Variants in KIAA1217 observed in about 807,000 individuals in gnomAD.
KIAA1217 encodes the protein KIAA1217.
KIAA1217 carries 88 observed loss-of-function variants against 163.9 expected under a neutral mutation model. The observed-to-expected ratio is 0.54, with a 90% confidence interval of 0.45 to 0.64. The LOEUF (loss-of-function observed/expected upper bound fraction) is 0.64, where lower values mean the gene tolerates loss of function less well. Ranked by LOEUF, KIAA1217 falls within the 30% of genes least tolerant of loss-of-function variation. The probability of loss-of-function intolerance (pLI) is 0.00; values close to 1 mark genes in which losing one functional copy is unlikely to be tolerated. For synonymous variants in KIAA1217, 903 were observed against 923.1 expected (o/e 0.98, Z 0.39); for missense variants, 2,372 against 2,475.0 (o/e 0.96, Z 0.88).
At chr10:23,802,248 C>A (rs188438968) in intron 1 of KIAA1217, among the ~76,000 whole-genome samples, 76 of 152,280 alleles carry the variant, frequency 5.0e-4, no homozygotes, top group Admixed American at 2.2e-3. Flanking sequence ...GTCACTCTCA[C>A]CTCACATGCT....
At chr10:24,052,916 C>T (rs562514155) in intron 2 of KIAA1217, among the ~76,000 whole-genome samples, 1 of 152,112 alleles carries the variant, frequency 6.6e-6, no homozygotes, top group Non-Finnish European at 1.5e-5. Flanking sequence ...ATAATACCAA[C>T]CTTCCTAGCT....
At chr10:24,422,484 T>C (rs17513940) in intron 3 of KIAA1217, among the ~76,000 whole-genome samples, 78,573 of 152,010 alleles carry the variant, frequency 0.52, 20,286 homozygotes, top group African/African-American at 0.52. Context: ...GAGATGAAAA[T>C]GAGGACTCAA....
intron 2 of KIAA1217, among the ~76,000 whole-genome samples, chr10:24,325,722 G>C (rs1390851921): frequency 6.6e-6 from 1 of 152,196 alleles, no homozygotes; most frequent in Non-Finnish European, 1.5e-5. Flanking sequence ...AGAATGGTAT[G>C]TAATGGGGTG....
At chr10:24,480,557 G>C (rs946702648) in intron 6 of KIAA1217, among the ~76,000 whole-genome samples, 1 of 152,156 alleles carries the variant, frequency 6.6e-6, no homozygotes, top group African/African-American at 2.4e-5. Context: ...GTGACATAGA[G>C]ATAATAATAG....
chr10:24,038,171 G>A (rs1848477546), intron 2 of KIAA1217, among the ~76,000 whole-genome samples: 1 of 152,120 alleles, frequency 6.6e-6, no homozygotes, highest in Non-Finnish European at 1.5e-5. Context: ...ATGCACTGTT[G>A]ACCATGGCCC....
intron 2 of KIAA1217, among the ~76,000 whole-genome samples, chr10:24,065,434 T>A (rs988521555): frequency 1.3e-5 from 2 of 152,218 alleles, no homozygotes; most frequent in African/African-American, 4.8e-5. Context: ...TTGTTCAGTT[T>A]CCATGTAGTT....
chr10:24,194,517 C>T (rs375864526), intron 2 of KIAA1217, among the ~76,000 whole-genome samples: 25 of 151,520 alleles, frequency 1.6e-4, no homozygotes, highest in African/African-American at 5.8e-4. Context: ...TGCTGAACTC[C>T]CAAACCAGGT....
chr10:23,785,087 A>G (rs1310179570), intron 1 of KIAA1217, among the ~76,000 whole-genome samples: 1 of 152,130 alleles, frequency 6.6e-6, no homozygotes, highest in Admixed American at 6.5e-5. Flanking sequence ...CATCTTTAAA[A>G]TAGAGTAACA....
intron 1 of KIAA1217, among the ~76,000 whole-genome samples, chr10:23,986,244 C>A (rs546546527): frequency 1.3e-5 from 2 of 152,308 alleles, no homozygotes; most frequent in African/African-American, 4.8e-5. Context: ...AGTAAGAATT[C>A]TCTGACTCTA....
chr10:24,154,870 TG>T (rs1311864066), intron 2 of KIAA1217, among the ~76,000 whole-genome samples: 1 of 147,630 alleles, frequency 6.8e-6, no homozygotes, highest in African/African-American at 2.5e-5. Context: ...AAGGTTGCAG[TG>T]AGCCAAGATT....
chr10:24,436,791 A>T (rs1297089581), intron 4 of KIAA1217, among the ~76,000 whole-genome samples: 1 of 151,292 alleles, frequency 6.6e-6, no homozygotes, highest in African/African-American at 2.4e-5. Flanking sequence ...AAAAGACAAA[A>T]GAAAAGTATC....
chr10:23,910,634 A>T (rs1842394187), intron 1 of KIAA1217, among the ~76,000 whole-genome samples: 1 of 152,196 alleles, frequency 6.6e-6, no homozygotes, highest in Non-Finnish European at 1.5e-5. Context: ...GAGGAAACTC[A>T]AGTTGTGATG....
Position 24,289,664 on chromosome 10 carries a change from G to A in KIAA1217, c.354+69755G>A, listed in dbSNP as rs567194176. On this transcript the variant is annotated intron_variant, in intron 2 of 20. Coordinates refer to ENST00000376454, the MANE Select transcript of KIAA1217 (RefSeq NM_019590.5). ...AAGGGACAAGCTTGAGAGAGTTTCC[G>A]TGTGGGAAGGAGAGGGGAATGTTGA... Among the ~76,000 whole-genome samples the A allele has an allele frequency of 1.2e-4, 19 of 152,242 alleles. No individual in the cohort carries two copies. The South Asian group carries it at 2.5e-3, about 20-fold the overall frequency.
intron 2 of KIAA1217, among the ~76,000 whole-genome samples, chr10:24,294,210 A>AAG (rs2079445455): frequency 2.0e-5 from 3 of 151,630 alleles, no homozygotes; most frequent in South Asian, 4.2e-4. Flanking sequence ...AAAAAAAAAA[A>AAG]AAAGAAATAG....
At chr10:24,320,839 C>G (rs1467518043) in intron 2 of KIAA1217, among the ~76,000 whole-genome samples, 1 of 151,752 alleles carries the variant, frequency 6.6e-6, no homozygotes, top group Non-Finnish European at 1.5e-5. Flanking sequence ...GTCGGGAGAT[C>G]GAGACCATCC....
At chr10:23,741,439 A>G (rs1839108884) in intron 1 of KIAA1217, among the ~76,000 whole-genome samples, 1 of 151,930 alleles carries the variant, frequency 6.6e-6, no homozygotes, top group African/African-American at 2.4e-5. Flanking sequence ...AATTGGAATG[A>G]TTCTGACTAA....
At chr10:23,726,472 C>G (rs902310385) in intron 1 of KIAA1217, among the ~76,000 whole-genome samples, 7 of 151,938 alleles carry the variant, frequency 4.6e-5, no homozygotes, top group African/African-American at 1.2e-4. Context: ...TTAGGCAATA[C>G]CATTCAGGAC....
Position 24,380,875 on chromosome 10 carries a change from A to T in KIAA1217, c.361A>T (p.Ser121Cys). 1 of 1,511,800 alleles carries T rather than the reference A, an allele frequency of 6.6e-7. No homozygotes were observed. The highest frequency in any genetic ancestry group is 8.9e-7 in the Non-Finnish European group (1 of 1,127,858). 93.6% of individuals were successfully genotyped at this position (1,511,800 alleles called of 1,614,324 possible). A position where few individuals can be genotyped will look rare whatever the true frequency, so the allele number is the denominator to read the frequency against. The change falls in exon 3 of 21, where the codon AGC becomes TGC. Residue 121 changes from serine to cysteine, a missense_variant. Around this residue, in one of 3 missense-constraint regions of KIAA1217, gnomAD observed 1,431 missense variants for 1,470.3 expected, o/e 0.97. Transcript: ENST00000376454. ...TTTAAAATGCCTTTTGCAGACAAGGAGCCCCAAACTGTCTCACAGTCCTCA... is the reference window on the plus strand; with the variant it reads ...TTTAAAATGCCTTTTGCAGACAAGGTGCCCCAAACTGTCTCACAGTCCTCA... The part of the protein sequence containing the change: ...HQERLRDQTR[S>C]PKLSHSPQPP...
At chr10:24,025,655 C>G (rs1402521412) in intron 2 of KIAA1217, among the ~76,000 whole-genome samples, 3 of 151,572 alleles carry the variant, frequency 2.0e-5, no homozygotes, top group African/African-American at 7.3e-5. Context: ...TGGTATGTCT[C>G]TCCATTTATT....
Sources: allele counts gnomAD v4.1 joint callset (sites outside exome capture counted in the v4.1 genomes callset), GRCh38; gene constraint gnomAD v4.1.1; regional missense constraint gnomAD v4.1.1; transcripts MANE v1.5; gene names NCBI Gene and HGNC (gene_info 2026-07-23, HGNC 2026-07-21).